DTNBP1: variants seen among roughly 807,000 people sequenced by gnomAD.
DTNBP1 encodes the protein dysbindin.
Under a neutral mutation model 42.8 loss-of-function variants are expected in DTNBP1, and 35 were observed. The observed-to-expected ratio is 0.82, with a 90% confidence interval of 0.63 to 1.09. The LOEUF (loss-of-function observed/expected upper bound fraction) is 1.09. DTNBP1 is among the 50% of genes least tolerant of loss of function. The probability of loss-of-function intolerance (pLI) is 0.00; values close to 1 mark genes in which losing one functional copy is unlikely to be tolerated. For synonymous variants in DTNBP1, 171 were observed against 162.2 expected (o/e 1.05, Z -0.41); for missense variants, 457 against 424.2 (o/e 1.08, Z -0.68).
intron 6 of DTNBP1, chr6:15,595,311 C>CTGGA: frequency 5.2e-6 from 2 of 387,288 alleles, no homozygotes; most frequent in Non-Finnish European, 9.6e-6. Flanking sequence ...GTCACCCAGG[C>CTGGA]TGGAGTGCAG....
chr6:15,533,324 G>A lies in DTNBP1; in HGVS notation c.583C>T (p.Arg195Trp), dbSNP rs759738848. Reference sequence around the variant, plus strand: ...AAGGCTTCCTCAAAAAACTTCTGCCGCTCCTTCAGCTTCATTTGCTGGGTG... The same window carrying A: ...AAGGCTTCCTCAAAAAACTTCTGCCACTCCTTCAGCTTCATTTGCTGGGTG... ...EHTQQMKLKERQKFFEEAFQQ... is the reference protein window; with the variant it reads ...EHTQQMKLKEWQKFFEEAFQQ... Residue 195 changes from arginine to tryptophan, a missense_variant, in exon 8 of 10, where the codon CGG (arginine) becomes TGG (tryptophan). Physicochemically the swap from Arg to Trp is moderately radical, Grantham distance 101 (BLOSUM62 -3). Transcript: ENST00000344537. 71 of 1,614,092 alleles carry A rather than the reference G, an allele frequency of 4.4e-5. No individual in the cohort carries two copies. Among genetic ancestry groups the A allele is most frequent in the Middle Eastern group, 3.3e-4 (2 of 6,082 alleles).
intron 7 of DTNBP1, among the ~76,000 whole-genome samples, chr6:15,578,907 G>A (rs1229397294): frequency 6.6e-6 from 1 of 152,186 alleles, no homozygotes; most frequent in Non-Finnish European, 1.5e-5. Flanking sequence ...GTAAGTGTTG[G>A]TGAGGATGTG....
intron 7 of DTNBP1, 85 bp downstream of exon 7, chr6:15,592,974 A>C: frequency 7.6e-7 from 1 of 1,316,794 alleles, no homozygotes; most frequent in Non-Finnish European, 1.0e-6. Flanking sequence ...ATTTTAAAAA[A>C]TGAGTTTGTT....
chr6:15,532,810 G>A (rs997466838), intron 8 of DTNBP1, among the ~76,000 whole-genome samples: 10 of 143,256 alleles, frequency 7.0e-5, no homozygotes, highest in South Asian at 2.2e-4. Flanking sequence ...AGTGATTCCC[G>A]TGCTTCAGCC....
In DTNBP1 at chr6:15,524,161, A is replaced by G. The variant is rs1343893591; in HGVS notation, c.811+365T>C. Reference sequence around the variant, plus strand: ...AATGCCTGTCGCACGAAGAGGGAAGAGTTTCCCGTGAGCCCCGCAGGAGAG... The same window carrying G: ...AATGCCTGTCGCACGAAGAGGGAAGGGTTTCCCGTGAGCCCCGCAGGAGAG... On this transcript the variant is annotated intron_variant, in intron 9 of 9. Coordinates refer to ENST00000344537, the MANE Select transcript of DTNBP1 (RefSeq NM_032122.5). The G allele has an allele frequency of 6.3e-6, 9 of 1,428,500 alleles. No homozygotes were observed. The Admixed American group carries it at 1.7e-4, about 27-fold the overall frequency. The allele number at this position is 1,428,500 out of a possible 1,614,324, so 88.5% of individuals were successfully genotyped here.
intron 5 of DTNBP1, 89 bp from the exon 6 acceptor site, chr6:15,615,488 A>G (rs1758663896): frequency 6.6e-7 from 1 of 1,517,310 alleles, no homozygotes; most frequent in Non-Finnish European, 9.0e-7. Flanking sequence ...AAAAGTTCAC[A>G]TTGTTGAGAT....
At chr6:15,647,921 C>T (rs1760775541) in intron 3 of DTNBP1, among the ~76,000 whole-genome samples, 1 of 151,942 alleles carries the variant, frequency 6.6e-6, no homozygotes, top group African/African-American at 2.4e-5. Context: ...TACAAGCCAG[C>T]ATTACCCTGA....
At chr6:15,608,280 A>G (rs540945018) in intron 6 of DTNBP1, among the ~76,000 whole-genome samples, 26,765 of 151,964 alleles carry the variant, frequency 0.18, 2,738 homozygotes, top group Non-Finnish European at 0.24. Context: ...TTAAAAAAAA[A>G]CACACACATT....
chr6:15,547,860 A>G (rs1773972304), intron 7 of DTNBP1, among the ~76,000 whole-genome samples: 1 of 152,254 alleles, frequency 6.6e-6, no homozygotes, highest in African/African-American at 2.4e-5. Context: ...GAGACAACAT[A>G]CAGAAGTTTT....
chr6:15,583,413 T>C (rs1775923101), intron 7 of DTNBP1, among the ~76,000 whole-genome samples: 1 of 152,182 alleles, frequency 6.6e-6, no homozygotes, highest in African/African-American at 2.4e-5. Flanking sequence ...ATAAAAACCA[T>C]TAGGCAACTA....
intron 3 of DTNBP1, among the ~76,000 whole-genome samples, chr6:15,646,288 TATAC>T (rs1197045352): frequency 1.4e-5 from 2 of 146,388 alleles, no homozygotes; most frequent in African/African-American, 5.1e-5. Flanking sequence ...CACACACACA[TATAC>T]AATACCTAGT....
At chr6:15,543,530 T>C (rs1264738527) in intron 7 of DTNBP1, among the ~76,000 whole-genome samples, 4 of 152,218 alleles carry the variant, frequency 2.6e-5, no homozygotes, top group Non-Finnish European at 5.9e-5. Context: ...AAATTCCTCT[T>C]CAAAGTTTAG....
intron 2 of DTNBP1, among the ~76,000 whole-genome samples, chr6:15,651,736 CAT>C (rs1224569623): frequency 2.0e-5 from 3 of 152,132 alleles, no homozygotes; most frequent in Non-Finnish European, 2.9e-5. Flanking sequence ...AAACAGGTAA[CAT>C]AGCTGAAGAG....
At chr6:15,526,635 A>T (rs1278508010) in intron 8 of DTNBP1, among the ~76,000 whole-genome samples, 1 of 152,140 alleles carries the variant, frequency 6.6e-6, no homozygotes, top group Non-Finnish European at 1.5e-5. Context: ...GCTGGGCTGG[A>T]TCTTCAAGGC....
intron 8 of DTNBP1, among the ~76,000 whole-genome samples, chr6:15,527,695 A>C (rs978029205): frequency 6.6e-6 from 1 of 152,222 alleles, no homozygotes. Flanking sequence ...TTAGGGGAAA[A>C]AAGCTTAAAA....
At chr6:15,618,542 A>C (rs1031609383) in intron 5 of DTNBP1, among the ~76,000 whole-genome samples, 2 of 152,134 alleles carry the variant, frequency 1.3e-5, no homozygotes, top group Non-Finnish European at 2.9e-5. Context: ...AAAAAAAAAA[A>C]AAGAATAGCT....
At chr6:15,551,178 G>T (rs1380905309) in intron 7 of DTNBP1, among the ~76,000 whole-genome samples, 1 of 152,126 alleles carries the variant, frequency 6.6e-6, no homozygotes, top group Non-Finnish European at 1.5e-5. Flanking sequence ...TGCAGCAGCT[G>T]GGAGACAGGA....
At chr6:15,593,879 G>C (rs1406597655) in intron 6 of DTNBP1, among the ~76,000 whole-genome samples, 2 of 152,044 alleles carry the variant, frequency 1.3e-5, no homozygotes, top group African/African-American at 4.8e-5. Flanking sequence ...TGCAGTCCAG[G>C]TTTTACTAAA....
At chr6:15,569,353 A>AGGGGGGGGC (rs1775237368) in intron 7 of DTNBP1, among the ~76,000 whole-genome samples, 2 of 127,244 alleles carry the variant, frequency 1.6e-5, no homozygotes, top group South Asian at 2.7e-4. Flanking sequence ...GCCAGTTAAG[A>AGGGGGGGGC]CCCCCCCCCG....
Sources: allele counts gnomAD v4.1 joint callset (sites outside exome capture counted in the v4.1 genomes callset), GRCh38; gene constraint gnomAD v4.1.1; transcripts MANE v1.5; gene names NCBI Gene and HGNC (gene_info 2026-07-23, HGNC 2026-07-21).